The following NIPA1 variants were observed in gnomAD, a reference collection of about 807,000 sequenced individuals.
The protein encoded by NIPA1 is NIPA magnesium transporter 1.
Under a neutral mutation model 23.9 loss-of-function variants are expected in NIPA1, and 13 were observed. The ratio of observed to expected loss-of-function variants is 0.54; its 90% CI spans 0.35 to 0.87. NIPA1 has a LOEUF of 0.87. NIPA1 is among the 40% of genes least tolerant of loss of function. NIPA1 has a pLI of 0.01. For missense variants in NIPA1, 362 were observed against 429.7 expected (o/e 0.84, Z 1.39); for synonymous variants, 234 against 202.9 (o/e 1.15, Z -1.30).
intron 1 of NIPA1, among the ~76,000 whole-genome samples, chr15:22,792,708 C>G (rs532203372): frequency 2.0e-5 from 3 of 151,940 alleles, no homozygotes; most frequent in Non-Finnish European, 4.4e-5. Context: ...AATCCCAGCA[C>G]TTTAGGAGGC....
chr15:22,787,340 C>T (rs112322285), intron 1 of NIPA1, among the ~76,000 whole-genome samples: 20,753 of 152,206 alleles, frequency 0.14, 1,863 homozygotes, highest in Non-Finnish European at 0.2. Flanking sequence ...CTGGGATTTC[C>T]AGTCCCCCGC....
intron 3 of NIPA1, among the ~76,000 whole-genome samples, chr15:22,815,503 G>A (rs1895397957): frequency 6.6e-6 from 1 of 152,092 alleles, no homozygotes; most frequent in South Asian, 2.1e-4. Context: ...TTATCCAGGT[G>A]TGGTGGCACA....
rs933827277 is a variant in NIPA1, at chr15:22,812,344, A to C, written c.317+91A>C. The C allele has an allele frequency of 9.3e-5, 87 of 931,110 alleles. 1 individual carries two copies. In the South Asian group the frequency reaches 1.0e-3, roughly 11 times the overall value. The allele number at this position is 931,110 out of a possible 1,614,324, so 57.7% of individuals were successfully genotyped here. ...TGTTTCTGTTAAAGTAATAAGAGCA[A>C]AATTGTAATAGAAGATAGATCTTCA... is the stretch of plus-strand genomic sequence containing the variant. On this transcript the variant is annotated intron_variant, in intron 3 of 4. Transcript: ENST00000337435.
chr15:22,816,485 CCT>C (rs1491133565), intron 3 of NIPA1, among the ~76,000 whole-genome samples: 1 of 52,678 alleles, frequency 1.9e-5, no homozygotes. Flanking sequence ...CCGCACCCAG[CCT>C]TTTTTTTTTT....
intron 1 of NIPA1, among the ~76,000 whole-genome samples, chr15:22,805,158 T>C (rs949452996): frequency 2.6e-5 from 4 of 152,120 alleles, no homozygotes; most frequent in Non-Finnish European, 4.4e-5. Context: ...ATCTTAAAAT[T>C]AGATAGTATA....
At chr15:22,798,198 C>G (rs1894982878) in intron 1 of NIPA1, among the ~76,000 whole-genome samples, 1 of 151,380 alleles carries the variant, frequency 6.6e-6, no homozygotes, top group Non-Finnish European at 1.5e-5. Context: ...TATGTTAACA[C>G]CACCTATCAG....
intron 1 of NIPA1, among the ~76,000 whole-genome samples, chr15:22,792,421 T>C (rs893436912): frequency 2.6e-5 from 4 of 151,838 alleles, no homozygotes; most frequent in Non-Finnish European, 4.4e-5. Flanking sequence ...TGCAGTGGCA[T>C]GATCTCCACT....
At chr15:22,808,661 T>C (rs1895260587) in intron 1 of NIPA1, among the ~76,000 whole-genome samples, 1 of 142,404 alleles carries the variant, frequency 7.0e-6, no homozygotes, top group East Asian at 2.2e-4. Flanking sequence ...TACTGTGATG[T>C]GATCAAATAG....
At chr15:22,799,699 G>T (rs750645373) in intron 1 of NIPA1, among the ~76,000 whole-genome samples, 1 of 151,268 alleles carries the variant, frequency 6.6e-6, no homozygotes, top group Non-Finnish European at 1.5e-5. Flanking sequence ...GGAGAATGGC[G>T]TGAACCCAGG....
intron 1 of NIPA1, among the ~76,000 whole-genome samples, chr15:22,792,955 A>G (rs1894863215): frequency 6.6e-6 from 1 of 150,618 alleles, no homozygotes; most frequent in Non-Finnish European, 1.5e-5. Flanking sequence ...AACTCCATCT[A>G]AAAAAAGAAC....
At chr15:22,809,969 G>A (rs1486861610) in intron 1 of NIPA1, among the ~76,000 whole-genome samples, 2 of 152,088 alleles carry the variant, frequency 1.3e-5, no homozygotes, top group Non-Finnish European at 2.9e-5. Flanking sequence ...CTTGAACCTG[G>A]GAGGAGGCGG....
intron 1 of NIPA1, among the ~76,000 whole-genome samples, chr15:22,806,201 G>A (rs1383766541): frequency 6.6e-6 from 1 of 152,194 alleles, no homozygotes; most frequent in Admixed American, 6.5e-5. Context: ...GGGATTACAG[G>A]CGTGAGCCAC....
At position 22,826,043 on chromosome 15, in the gene NIPA1, A is replaced by T. The variant is rs957299012; in HGVS notation, c.*1804A>T. On this transcript the variant is annotated 3_prime_UTR_variant, in exon 5 of 5. Coordinates refer to ENST00000337435, the MANE Select transcript of NIPA1 (RefSeq NM_144599.5). ...GTAGATTAGGTGAAGTAGAACATAA[A>T]ATTGAATAGTACCCAATTAAAGTTC... 13 of 152,000 alleles carry T rather than the reference A, an allele frequency of 8.6e-5. No individual in the cohort carries two copies. The highest frequency in any genetic ancestry group is 5.9e-5 in the Non-Finnish European group (4 of 67,996). 9.4% of individuals were successfully genotyped at this position (152,000 alleles called of 1,614,324 possible). A position where few individuals can be genotyped will look rare whatever the true frequency, so the allele number is the denominator to read the frequency against.
chr15:22,820,190 T>C (rs1393668577), intron 3 of NIPA1, 123 bp from the exon 4 acceptor site: 6 of 693,850 alleles, frequency 8.6e-6, no homozygotes, highest in East Asian at 8.3e-5. Context: ...GAGTGGGAGG[T>C]GGTCTCTTAA....
At chr15:22,791,619 C>T (rs1292302338) in intron 1 of NIPA1, among the ~76,000 whole-genome samples, 1 of 151,224 alleles carries the variant, frequency 6.6e-6, no homozygotes, top group African/African-American at 2.4e-5. Flanking sequence ...CAGTAGCTGG[C>T]ATTACAGGCG....
At chr15:22,807,024 G>C (rs1173275419) in intron 1 of NIPA1, among the ~76,000 whole-genome samples, 1 of 152,060 alleles carries the variant, frequency 6.6e-6, no homozygotes. Flanking sequence ...GCCTAATACT[G>C]GTTTAAAAGG....
intron 1 of NIPA1, among the ~76,000 whole-genome samples, chr15:22,788,253 G>A (rs1340051944): frequency 6.6e-6 from 1 of 152,092 alleles, no homozygotes; most frequent in African/African-American, 2.4e-5. Flanking sequence ...TGTAGTCCCA[G>A]CACTTTGGGA....
intron 3 of NIPA1, among the ~76,000 whole-genome samples, chr15:22,816,508 T>TTC (rs1555373604): frequency 8.2e-5 from 11 of 134,568 alleles, no homozygotes; most frequent in African/African-American, 3.1e-4. Flanking sequence ...TTTTTTTTTT[T>TTC]TCAGATGGAG....
At chr15:22,786,871 G>C (rs764691446) in intron 1 of NIPA1, 37 bp downstream of exon 1, 7 of 879,424 alleles carry the variant, frequency 8.0e-6, no homozygotes, top group Admixed American at 7.9e-5. Context: ...GCGGGCGGGT[G>C]GGGGAGGCGG....
Sources: allele counts gnomAD v4.1 joint callset (sites outside exome capture counted in the v4.1 genomes callset), GRCh38; gene constraint gnomAD v4.1.1; transcripts MANE v1.5; gene names NCBI Gene and HGNC (gene_info 2026-07-23, HGNC 2026-07-21).